CD2AP: variants seen among roughly 807,000 people sequenced by gnomAD.
CD2AP encodes CD2-associated protein.
A neutral mutation model predicts 85.1 loss-of-function variants in CD2AP; 46 were observed. The observed-to-expected ratio is 0.54, with a 90% CI of 0.43 to 0.69. The LOEUF (loss-of-function observed/expected upper bound fraction) is 0.69, where lower values mean the gene tolerates loss of function less well. Among genes scored for constraint, CD2AP ranks in the 30% least tolerant of loss-of-function variants. The probability of loss-of-function intolerance (pLI) is 0.00; values close to 1 mark genes in which losing one functional copy is unlikely to be tolerated. For synonymous variants in CD2AP, 255 were observed against 252.9 expected (o/e 1.01, Z -0.08); for missense variants, 769 against 729.5 (o/e 1.05, Z -0.62).
chr6:47,590,115 A>G (rs1768750964), intron 11 of CD2AP, among the ~76,000 whole-genome samples: 1 of 152,140 alleles, frequency 6.6e-6, no homozygotes, highest in Non-Finnish European at 1.5e-5. Context: ...ATACTGATAG[A>G]TATGACACAT....
chr6:47,534,140 A>G (rs1444534824), intron 3 of CD2AP, among the ~76,000 whole-genome samples: 1 of 152,236 alleles, frequency 6.6e-6, no homozygotes, highest in Non-Finnish European at 1.5e-5. Flanking sequence ...ACATCTGAAC[A>G]TAAACATTTC....
At chr6:47,585,677 T>C (rs564758550) in intron 11 of CD2AP, among the ~76,000 whole-genome samples, 54 of 152,256 alleles carry the variant, frequency 3.5e-4, no homozygotes, top group African/African-American at 1.2e-3. Context: ...AGTACTCAGA[T>C]CTGTAGACAG....
chr6:47,490,175 G>T (rs576578829), intron 1 of CD2AP, among the ~76,000 whole-genome samples: 5 of 152,140 alleles, frequency 3.3e-5, no homozygotes, highest in African/African-American at 1.2e-4. Context: ...TAGACATAGG[G>T]TCTTGCCATA....
Position 47,599,350 on chromosome 6 carries a change from G to T in CD2AP, c.1324G>T (p.Val442Leu), listed in dbSNP as rs769463474. 6.2e-7 allele frequency: 1 copy of T among 1,611,626 alleles called. No homozygotes were observed. The highest frequency in any genetic ancestry group is 1.1e-5 in the South Asian group (1 of 91,006). ...SISSKFETEP[V>L]SKLKLDSEQL... ...TTCATCAAAATTTGAAACTGAGCCA[G>T]TATCAAAACTAAAGCTAGATTCTGA... The change falls in exon 13 of 18, where the codon GTA becomes TTA. Residue 442 changes from valine to leucine, a missense_variant. By Grantham distance (32) the Val-to-Leu change is conservative (BLOSUM62 1). Transcript: ENST00000359314.
chr6:47,617,651 T>G (rs1769626850), intron 17 of CD2AP, among the ~76,000 whole-genome samples: 1 of 152,190 alleles, frequency 6.6e-6, no homozygotes. Context: ...CTAATCTTTA[T>G]GTCTTTATCC....
intron 1 of CD2AP, among the ~76,000 whole-genome samples, chr6:47,488,432 G>A (rs1343791147): frequency 6.6e-6 from 1 of 152,030 alleles, no homozygotes; most frequent in Non-Finnish European, 1.5e-5. Context: ...AGGAACATGT[G>A]AAATTAATTT....
chr6:47,550,421 T>C (rs1300706072), intron 4 of CD2AP, among the ~76,000 whole-genome samples: 1 of 152,046 alleles, frequency 6.6e-6, no homozygotes, highest in East Asian at 1.9e-4. Flanking sequence ...AAAGAAGATA[T>C]GCAATGGCCA....
intron 4 of CD2AP, among the ~76,000 whole-genome samples, chr6:47,549,460 CAA>C (rs67626138): frequency 0.25 from 27,866 of 110,676 alleles, 2,217 homozygotes; most frequent in African/African-American, 0.27. Context: ...ACAATAGCTG[CAA>C]AAAAAAAAAA....
intron 2 of CD2AP, among the ~76,000 whole-genome samples, chr6:47,517,390 C>T (rs7767350): frequency 0.23 from 34,400 of 151,610 alleles, 4,068 homozygotes; most frequent in Non-Finnish European, 0.27. Context: ...TGGGCTCAAG[C>T]GATCCTCTCA....
intron 4 of CD2AP, among the ~76,000 whole-genome samples, chr6:47,551,319 C>G (rs1332665166): frequency 6.6e-6 from 1 of 152,118 alleles, no homozygotes; most frequent in African/African-American, 2.4e-5. Context: ...TATTATAGCA[C>G]AGATTGATTT....
At chr6:47,609,489 C>A in intron 16 of CD2AP, 185 bp downstream of exon 16, 1 of 306,438 alleles carries the variant, frequency 3.3e-6, no homozygotes, top group African/African-American at 2.5e-5. Flanking sequence ...CCAGCCTGGA[C>A]GACATGACAA....
intron 4 of CD2AP, among the ~76,000 whole-genome samples, chr6:47,547,869 G>C (rs990469194): frequency 6.6e-6 from 1 of 151,910 alleles, no homozygotes; most frequent in Non-Finnish European, 1.5e-5. Context: ...AACTCCAAAA[G>C]GAGCCTTGAA....
At chr6:47,478,742 G>T (rs908188186) in intron 1 of CD2AP, among the ~76,000 whole-genome samples, 4 of 151,552 alleles carry the variant, frequency 2.6e-5, no homozygotes, top group African/African-American at 9.7e-5. Flanking sequence ...TTTTCCTGCT[G>T]AAACTCGCAA....
At chr6:47,595,002 G>A (rs556866841) in intron 11 of CD2AP, among the ~76,000 whole-genome samples, 3 of 152,048 alleles carry the variant, frequency 2.0e-5, no homozygotes, top group African/African-American at 7.2e-5. Flanking sequence ...TCAGTATGGT[G>A]CTTAGGAGCT....
At chr6:47,503,694 T>G (rs1582484884) in intron 2 of CD2AP, among the ~76,000 whole-genome samples, 1 of 152,214 alleles carries the variant, frequency 6.6e-6, no homozygotes, top group East Asian at 1.9e-4. Flanking sequence ...GATTACTGAT[T>G]GTTTTAAAAT....
chr6:47,613,508 C>CA (rs1769501357), intron 17 of CD2AP, among the ~76,000 whole-genome samples: 2 of 147,112 alleles, frequency 1.4e-5, no homozygotes, highest in Non-Finnish European at 3.0e-5. Context: ...AAAAATAATC[C>CA]TTTTTTTTTT....
intron 5 of CD2AP, among the ~76,000 whole-genome samples, chr6:47,564,112 A>C (rs1480585543): frequency 2.6e-5 from 4 of 152,140 alleles, no homozygotes; most frequent in Admixed American, 2.0e-4. Flanking sequence ...CTGAAGTCAG[A>C]ACTGATGTTT....
intron 5 of CD2AP, among the ~76,000 whole-genome samples, chr6:47,570,904 CA>C (rs1175668133): frequency 6.6e-6 from 1 of 151,958 alleles, no homozygotes; most frequent in African/African-American, 2.4e-5. Context: ...TTCATTTAGC[CA>C]AAAATAGCCT....
chr6:47,552,131 G>GT (rs912485345), intron 4 of CD2AP, among the ~76,000 whole-genome samples: 7 of 151,314 alleles, frequency 4.6e-5, no homozygotes, highest in South Asian at 2.1e-4. Context: ...CTTGCAGTCT[G>GT]TTTTTTTTAA....
Sources: gnomAD v4.1 joint callset for allele counts (sites outside exome capture counted in the v4.1 genomes callset) on GRCh38, gnomAD v4.1.1 for gene constraint, MANE v1.5 for transcripts, NCBI Gene and HGNC (gene_info 2026-07-23, HGNC 2026-07-21) for gene names.